The following GLI3 variants were observed in gnomAD, a reference collection of about 807,000 sequenced individuals.
The protein encoded by GLI3 is GLI family zinc finger 3, also known as transcription activator GLI3.
GLI3 carries 20 observed loss-of-function variants against 100.8 expected under a neutral mutation model. That is an observed-to-expected ratio of 0.20 (90% CI 0.14 to 0.29). The LOEUF is 0.29. Among genes scored for constraint, GLI3 ranks in the 10% least tolerant of loss-of-function variants. The pLI is 1.00. For missense variants in GLI3, 2,040 were observed against 2,128.5 expected (o/e 0.96, Z 0.82); for synonymous variants, 938 against 860.5 (o/e 1.09, Z -1.58).
intron 2 of GLI3, among the ~76,000 whole-genome samples, chr7:42,168,673 T>C (rs568090374): frequency 6.6e-6 from 1 of 152,178 alleles, no homozygotes; most frequent in East Asian, 1.9e-4. Context: ...CTCTGCACCT[T>C]GGGAAGCTAA....
chr7:42,213,643 T>C (rs1435699924), intron 2 of GLI3, among the ~76,000 whole-genome samples: 1 of 152,184 alleles, frequency 6.6e-6, no homozygotes, highest in Admixed American at 6.5e-5. Context: ...CAGAGAAAAG[T>C]GAAAATCCAT....
At chr7:42,002,768 A>G (rs369270202) in intron 10 of GLI3, among the ~76,000 whole-genome samples, 2 of 152,222 alleles carry the variant, frequency 1.3e-5, no homozygotes, top group African/African-American at 4.8e-5. Context: ...ACTTATTGGC[A>G]CAGTTTGTAA....
At chr7:42,164,829 C>CAAATAAAT (rs71006459) in intron 2 of GLI3, among the ~76,000 whole-genome samples, 7,887 of 148,162 alleles carry the variant, frequency 0.053, 224 homozygotes, top group Admixed American at 0.095. Flanking sequence ...GACTATGTGT[C>CAAATAAAT]AAATAAATAA....
At chr7:42,198,076 G>A (rs1185245248) in intron 2 of GLI3, among the ~76,000 whole-genome samples, 1 of 152,036 alleles carries the variant, frequency 6.6e-6, no homozygotes, top group East Asian at 1.9e-4. Context: ...ATTCTTCCAG[G>A]TGTGGCTTAA....
At chr7:41,980,351 G>A (rs1027625187) in intron 10 of GLI3, among the ~76,000 whole-genome samples, 5 of 152,188 alleles carry the variant, frequency 3.3e-5, no homozygotes, top group African/African-American at 4.8e-5. Flanking sequence ...CGTTCAATCC[G>A]CACGTCTGCT....
chr7:42,070,110 A>C (rs1452223294), intron 4 of GLI3, among the ~76,000 whole-genome samples: 1 of 152,230 alleles, frequency 6.6e-6, no homozygotes, highest in Non-Finnish European at 1.5e-5. Flanking sequence ...AAATGTGATT[A>C]AGTATTGGTC....
chr7:41,977,524 T>C (rs543030499), intron 12 of GLI3, 34 bp downstream of exon 12: 61 of 1,608,960 alleles, frequency 3.8e-5, no homozygotes, highest in Middle Eastern at 1.8e-4. Context: ...CTTTGTTTCC[T>C]TATGCAAGCT....
intron 3 of GLI3, among the ~76,000 whole-genome samples, chr7:42,124,525 C>G (rs1185421968): frequency 1.3e-5 from 2 of 152,122 alleles, no homozygotes; most frequent in Non-Finnish European, 2.9e-5. Flanking sequence ...TTACCCTGAA[C>G]CACTGACCAA....
chr7:42,211,137 T>C (rs929753335), intron 2 of GLI3, among the ~76,000 whole-genome samples: 1 of 152,246 alleles, frequency 6.6e-6, no homozygotes, highest in Non-Finnish European at 1.5e-5. Context: ...GAAAGTGCTT[T>C]GAATTTATGT....
upstream of GLI3, among the ~76,000 whole-genome samples, chr7:42,240,751 A>G (rs1407455080): frequency 6.6e-6 from 1 of 152,222 alleles, no homozygotes; most frequent in Admixed American, 6.5e-5. Context: ...CTAGGGTTAG[A>G]ACTTCAACAT....
intron 2 of GLI3, among the ~76,000 whole-genome samples, chr7:42,153,596 G>A (rs941764653): frequency 6.6e-6 from 1 of 151,254 alleles, no homozygotes; most frequent in African/African-American, 2.4e-5. Context: ...GGGGGGTGGG[G>A]GGAAAGACCG....
intron 3 of GLI3, among the ~76,000 whole-genome samples, chr7:42,136,233 A>G (rs936211965): frequency 6.6e-6 from 1 of 152,202 alleles, no homozygotes; most frequent in African/African-American, 2.4e-5. Flanking sequence ...TGCACCATTA[A>G]CGAAGCAGAT....
intron 3 of GLI3, among the ~76,000 whole-genome samples, chr7:42,081,115 T>G: frequency 6.6e-6 from 1 of 152,176 alleles, no homozygotes; most frequent in South Asian, 2.1e-4. Flanking sequence ...ATTTCCTGAC[T>G]GATGGCTCCA....
chr7:42,167,107 A>G (rs960163741), intron 2 of GLI3, among the ~76,000 whole-genome samples: 2 of 152,104 alleles, frequency 1.3e-5, no homozygotes, highest in African/African-American at 2.4e-5. Context: ...GATTGCAGAC[A>G]TGAGCCACTG....
intron 2 of GLI3, among the ~76,000 whole-genome samples, chr7:42,216,103 A>G (rs1384170798): frequency 6.6e-6 from 1 of 152,162 alleles, no homozygotes; most frequent in African/African-American, 2.4e-5. Flanking sequence ...ATGATCACAC[A>G]GCAATTACGT....
chr7:42,202,659 C>T (rs1788070846), intron 2 of GLI3, among the ~76,000 whole-genome samples: 1 of 152,202 alleles, frequency 6.6e-6, no homozygotes, highest in Admixed American at 6.5e-5. Context: ...CATCACCAGG[C>T]TGATGGGCTG....
intron 1 of GLI3, chr7:42,227,765 A>C (rs1788611394): frequency 6.6e-6 from 1 of 152,092 alleles, no homozygotes; most frequent in Admixed American, 6.6e-5. Context: ...CTACATATTA[A>C]ACAGCACTTG....
intron 2 of GLI3, among the ~76,000 whole-genome samples, chr7:42,164,108 T>C (rs1038729739): frequency 6.6e-5 from 10 of 152,330 alleles, no homozygotes; most frequent in African/African-American, 1.7e-4. Context: ...TCTAATTTAA[T>C]GGCTGAGTAG....
At chr7:42,167,203 T>A (rs1406872405) in intron 2 of GLI3, among the ~76,000 whole-genome samples, 1 of 152,094 alleles carries the variant, frequency 6.6e-6, no homozygotes, top group African/African-American at 2.4e-5. Context: ...TTCATCAACT[T>A]AAGGCTGGTG....
Sources: gnomAD v4.1 joint callset for allele counts (sites outside exome capture counted in the v4.1 genomes callset) on GRCh38, gnomAD v4.1.1 for gene constraint, MANE v1.5 for transcripts, NCBI Gene and HGNC (gene_info 2026-07-23, HGNC 2026-07-21) for gene names.